ANKRD31: variants seen among roughly 807,000 people sequenced by gnomAD.
ANKRD31 encodes the protein ankyrin repeat domain 31, also known as ankyrin repeat domain-containing protein 31.
ANKRD31 carries 147 observed loss-of-function variants against 186.0 expected under a neutral mutation model. The ratio of observed to expected loss-of-function variants is 0.79; its 90% confidence interval spans 0.69 to 0.91. The LOEUF (loss-of-function observed/expected upper bound fraction) is 0.91. Among genes scored for constraint, ANKRD31 ranks in the 40% least tolerant of loss-of-function variants. The pLI is 0.00. For missense variants in ANKRD31, 1,986 were observed against 2,148.8 expected (o/e 0.92, Z 1.50); for synonymous variants, 673 against 736.4 (o/e 0.91, Z 1.39).
Position 75,147,424 on chromosome 5 carries a change from CT to C in ANKRD31, c.1986del (p.Val663SerfsTer11). The C allele has an allele frequency of 2.6e-6, 4 of 1,518,118 alleles. No individual in the cohort carries two copies. Among genetic ancestry groups the C allele is most frequent in the Non-Finnish European group, 3.5e-6 (4 of 1,140,110 alleles). The allele number at this position is 1,518,118 out of a possible 1,614,324, so 94.0% of individuals were successfully genotyped here. A position where few individuals can be genotyped will look rare whatever the true frequency, so the allele number is the denominator to read the frequency against. ...AAACTCGCTTTGCTTCCTTTATTGA[CT>C]TTTACATGTTCCAGCTTCTGTCTGT... ...NSNRQKLEHV[K>X]VNKGSKASLF... On this transcript the variant is annotated frameshift_variant, in exon 14 of 26. Transcript: ENST00000506364. LOFTEE classifies it high-confidence loss of function.
rs541941508 is a variant in ANKRD31, at chr5:75,235,189, C to T, written c.104+1394G>A. Among the ~76,000 whole-genome samples, 53 of 150,074 alleles carry T rather than the reference C, an allele frequency of 3.5e-4. No individual in the cohort carries two copies. The South Asian group carries it at 6.1e-3, about 17-fold the overall frequency. On this transcript the variant is annotated intron_variant, in intron 1 of 25. Transcript: ENST00000506364. Reference sequence around the variant, plus strand: ...TTCCTAATTGCTCTTATTTATTTTACGATATAAACTTTGGAATCAGTTGTC... The same window carrying T: ...TTCCTAATTGCTCTTATTTATTTTATGATATAAACTTTGGAATCAGTTGTC...
intron 12 of ANKRD31, among the ~76,000 whole-genome samples, chr5:75,151,474 T>G (rs1016088965): frequency 6.6e-6 from 1 of 152,010 alleles, no homozygotes; most frequent in Non-Finnish European, 1.5e-5. Flanking sequence ...ATCTGATGGT[T>G]TTATAAAGGG....
At chr5:75,130,329 G>T (rs1474519563) in intron 17 of ANKRD31, among the ~76,000 whole-genome samples, 2 of 152,218 alleles carry the variant, frequency 1.3e-5, no homozygotes, top group East Asian at 3.8e-4. Context: ...ATTGCAAAGA[G>T]CAAAAGAACA....
intron 5 of ANKRD31, among the ~76,000 whole-genome samples, chr5:75,205,482 A>G (rs966018067): frequency 2.0e-5 from 3 of 151,984 alleles, no homozygotes; most frequent in African/African-American, 7.3e-5. Context: ...AAAAGTGATC[A>G]GCTACCCTTT....
chr5:75,113,830 C>T (rs544566946), intron 19 of ANKRD31, among the ~76,000 whole-genome samples: 1 of 152,256 alleles, frequency 6.6e-6, no homozygotes, highest in East Asian at 1.9e-4. Flanking sequence ...CTAAGGTTTA[C>T]CGCTTCATAC....
rs185272949 is a variant in ANKRD31 at position 75,224,774 on chromosome 5, G to T, written c.179-2416C>A. 2.0e-5 allele frequency among the ~76,000 whole-genome samples: 3 copies of T among 152,212 alleles called. No homozygotes were observed. The East Asian group carries it at 5.8e-4, about 29-fold the overall frequency. On this transcript the variant is annotated intron_variant, in intron 2 of 25. Transcript: ENST00000506364. ...TAGAGAAAGAAGAAACCCTAAAAGA[G>T]AAGACCAACAGCTTTTACTACACAA...
At chr5:75,109,614 G>C (rs1456519605) in intron 20 of ANKRD31, among the ~76,000 whole-genome samples, 2 of 152,146 alleles carry the variant, frequency 1.3e-5, no homozygotes, top group Non-Finnish European at 2.9e-5. Flanking sequence ...TTGGTATCTG[G>C]CTTCCTTCTT....
Position 75,195,732 on chromosome 5 carries a change from G to A in ANKRD31, c.916C>T (p.His306Tyr). The change falls in exon 7 of 26, where the codon CAC (histidine) becomes TAC (tyrosine). Residue 306 changes from histidine (H) to tyrosine (Y), a missense_variant. Transcript: ENST00000506364. ...AGACTGCTACCTCCCTCTTTTCTGT[G>A]ACAGATGGTTTCCACCTTGGCTTCT... ...LSEAKVETIC[H>Y]RKEGGSSLIA... 1 of 1,537,504 alleles carries A rather than the reference G, an allele frequency of 6.5e-7. No individual in the cohort carries two copies. Among genetic ancestry groups the A allele is most frequent in the Non-Finnish European group, 8.7e-7 (1 of 1,146,912 alleles).
intron 20 of ANKRD31, among the ~76,000 whole-genome samples, chr5:75,108,792 A>G (rs1200629663): frequency 2.6e-5 from 4 of 152,166 alleles, no homozygotes; most frequent in African/African-American, 9.6e-5. Flanking sequence ...TGTACAATCA[A>G]TAAGAATTTA....
intron 11 of ANKRD31, among the ~76,000 whole-genome samples, chr5:75,155,924 T>C (rs948447711): frequency 9.9e-5 from 15 of 152,036 alleles, no homozygotes; most frequent in African/African-American, 3.4e-4. Flanking sequence ...TTTTTTTTTT[T>C]TGAGACAGAG....
chr5:75,099,097 T>A (rs1457005551), intron 22 of ANKRD31, among the ~76,000 whole-genome samples: 1 of 152,218 alleles, frequency 6.6e-6, no homozygotes, highest in Admixed American at 6.5e-5. Flanking sequence ...TATTTTGAGA[T>A]ACATCCCATC....
intron 22 of ANKRD31, among the ~76,000 whole-genome samples, chr5:75,093,725 A>G (rs1746112212): frequency 6.6e-6 from 1 of 152,236 alleles, no homozygotes; most frequent in Non-Finnish European, 1.5e-5. Context: ...TGGAGGCCAG[A>G]GGCAGTGGAA....
intron 3 of ANKRD31, among the ~76,000 whole-genome samples, chr5:75,217,803 G>A (rs975036160): frequency 3.3e-5 from 5 of 152,092 alleles, no homozygotes; most frequent in African/African-American, 1.2e-4. Context: ...TCATCATGTT[G>A]TTAGCTGGTT....
intron 23 of ANKRD31, among the ~76,000 whole-genome samples, chr5:75,084,615 T>C (rs1046880141): frequency 3.3e-5 from 5 of 152,192 alleles, no homozygotes; most frequent in African/African-American, 1.2e-4. Flanking sequence ...TATAACATAA[T>C]TGACACAGAC....
At chr5:75,184,874 A>T (rs1754591485) in intron 10 of ANKRD31, among the ~76,000 whole-genome samples, 1 of 152,198 alleles carries the variant, frequency 6.6e-6, no homozygotes, top group East Asian at 1.9e-4. Flanking sequence ...ATCCAAAGGA[A>T]ATGAAATCAG....
intron 11 of ANKRD31, among the ~76,000 whole-genome samples, chr5:75,159,993 T>C (rs1460729228): frequency 6.6e-6 from 1 of 152,090 alleles, no homozygotes. Flanking sequence ...AAAACAATGA[T>C]ACCAGTTGGT....
chr5:75,214,220 A>G (rs1756824059), intron 3 of ANKRD31, among the ~76,000 whole-genome samples: 1 of 152,210 alleles, frequency 6.6e-6, no homozygotes, highest in South Asian at 2.1e-4. Flanking sequence ...CACAATTTAA[A>G]TACACAGTGA....
chr5:75,158,445 G>C (rs1272708599), intron 11 of ANKRD31, among the ~76,000 whole-genome samples: 1 of 152,108 alleles, frequency 6.6e-6, no homozygotes, highest in Non-Finnish European at 1.5e-5. Flanking sequence ...TGTGGGTTGG[G>C]GGACTCAGGA....
At chr5:75,155,020 T>C (rs1242028628) in intron 11 of ANKRD31, among the ~76,000 whole-genome samples, 4 of 152,146 alleles carry the variant, frequency 2.6e-5, no homozygotes, top group African/African-American at 9.7e-5. Context: ...ATTATACTTA[T>C]TTCTTTCATA....
Sources: gnomAD v4.1 joint callset for allele counts (sites outside exome capture counted in the v4.1 genomes callset) on GRCh38, gnomAD v4.1.1 for gene constraint, MANE v1.5 for transcripts, NCBI Gene and HGNC (gene_info 2026-07-23, HGNC 2026-07-21) for gene names.